TMEM177: variants seen among roughly 807,000 people sequenced by gnomAD.
The protein encoded by TMEM177 is transmembrane protein 177.
TMEM177 carries 4 observed loss-of-function variants against 14.2 expected under a neutral mutation model. That is an observed-to-expected ratio of 0.28 (90% confidence interval 0.14 to 0.64). The LOEUF is 0.64. Among genes scored for constraint, TMEM177 ranks in the 30% least tolerant of loss-of-function variants. The pLI, the probability that TMEM177 is intolerant of heterozygous loss-of-function variation, is 0.82. For missense variants in TMEM177, 344 were observed against 405.2 expected (o/e 0.85, Z 1.30); for synonymous variants, 179 against 174.5 (o/e 1.03, Z -0.20).
At chr2:119,703,145 C>T in the TMEM177 span, among the ~76,000 whole-genome samples, 1 of 152,262 alleles carries the variant, frequency 6.6e-6, no homozygotes, top group African/African-American at 2.4e-5. Context: ...GGGAGTGGCA[C>T]CTTTGTCACC....
At chr2:119,710,562 C>A in the TMEM177 span, among the ~76,000 whole-genome samples, 4 of 152,108 alleles carry the variant, frequency 2.6e-5, no homozygotes, top group African/African-American at 9.7e-5. Flanking sequence ...GAGGGAGGGA[C>A]CCAAAGTCAT....
At chr2:119,705,990 A>ATATATTATATATTATATATTATATAT in the TMEM177 span, among the ~76,000 whole-genome samples, 384 of 14,560 alleles carry the variant, frequency 0.026, 1 homozygote, top group Admixed American at 0.055. Context: ...CTCTCTATAT[A>ATATATTATATATTATATATTATATAT]TATATATTAT....
chr2:119,710,451 G>T, the TMEM177 span, among the ~76,000 whole-genome samples: 2 of 152,150 alleles, frequency 1.3e-5, no homozygotes, highest in Admixed American at 6.5e-5. Flanking sequence ...AGCCCTACCC[G>T]CGAGTTTCGT....
chr2:119,692,905 G>C, the TMEM177 span, among the ~76,000 whole-genome samples: 5 of 138,228 alleles, frequency 3.6e-5, no homozygotes, highest in African/African-American at 5.4e-5. Flanking sequence ...CCGGGAGGCA[G>C]AGGTTGCAGT....
At chr2:119,706,476 T>C in the TMEM177 span, among the ~76,000 whole-genome samples, 1 of 152,220 alleles carries the variant, frequency 6.6e-6, no homozygotes, top group Admixed American at 6.5e-5. Context: ...ATATTTCCTT[T>C]GCTGAGTGGC....
chr2:119,719,933 A>G, the TMEM177 span, among the ~76,000 whole-genome samples: 1 of 152,212 alleles, frequency 6.6e-6, no homozygotes, highest in African/African-American at 2.4e-5. Flanking sequence ...AGCTGGGACT[A>G]TAGGTGTGCA....
At chr2:119,695,505 C>T in the TMEM177 span, among the ~76,000 whole-genome samples, 1 of 152,120 alleles carries the variant, frequency 6.6e-6, no homozygotes, top group Admixed American at 6.5e-5. Flanking sequence ...GCACCTGGTC[C>T]GCTGGAGTGC....
the TMEM177 span, among the ~76,000 whole-genome samples, chr2:119,701,025 G>C: frequency 6.6e-6 from 1 of 152,226 alleles, no homozygotes; most frequent in Admixed American, 6.5e-5. Flanking sequence ...CTGGGGACAA[G>C]AGAGCCAAGG....
the TMEM177 span, among the ~76,000 whole-genome samples, chr2:119,720,278 CTT>C: frequency 1.4e-5 from 2 of 146,126 alleles, no homozygotes; most frequent in Admixed American, 6.8e-5. Context: ...TTATTCCCAA[CTT>C]TTTTTTTTTT....
chr2:119,709,181 C>T, the TMEM177 span, among the ~76,000 whole-genome samples: 11 of 152,316 alleles, frequency 7.2e-5, no homozygotes, highest in Middle Eastern at 6.8e-3. Flanking sequence ...GTGGCACCCA[C>T]CACTGTGTTA....
At chr2:119,684,375 T>G (rs1688976814), downstream of TMEM177, among the ~76,000 whole-genome samples, 5 of 152,200 alleles carry the variant, frequency 3.3e-5, no homozygotes, top group Admixed American at 3.3e-4. Context: ...GATGCCCGTT[T>G]ATACACTGTC....
the TMEM177 span, among the ~76,000 whole-genome samples, chr2:119,703,065 G>A: frequency 1.3e-5 from 2 of 152,248 alleles, no homozygotes; most frequent in Non-Finnish European, 2.9e-5. Context: ...GGCTCAGCAG[G>A]AGCCCCCGGG....
the TMEM177 span, chr2:119,700,099 A>G: frequency 3.9e-6 from 1 of 255,170 alleles, no homozygotes; most frequent in Non-Finnish European, 7.8e-6. Context: ...GAGGTTGCCC[A>G]GAAGAAAAAG....
At chr2:119,720,335 C>T in the TMEM177 span, among the ~76,000 whole-genome samples, 14 of 151,522 alleles carry the variant, frequency 9.2e-5, no homozygotes, top group Admixed American at 4.6e-4. Flanking sequence ...AGTACAATGG[C>T]GCAATCTCGG....
downstream of TMEM177, chr2:119,685,807 C>A: frequency 1.4e-6 from 1 of 706,976 alleles, no homozygotes; most frequent in Non-Finnish European, 2.6e-6. Context: ...CTGAAAGTTT[C>A]ATGGTGCAGA....
At chr2:119,714,965 C>G in the TMEM177 span, among the ~76,000 whole-genome samples, 4 of 152,206 alleles carry the variant, frequency 2.6e-5, no homozygotes, top group Non-Finnish European at 4.4e-5. Context: ...GAAGTGTATG[C>G]CACCTTGTCA....
downstream of TMEM177, among the ~76,000 whole-genome samples, chr2:119,682,686 C>T (rs981329830): frequency 2.0e-5 from 3 of 152,170 alleles, no homozygotes; most frequent in Non-Finnish European, 2.9e-5. Context: ...GAGGAAGGAA[C>T]AAACCATTGT....
At chr2:119,701,107 C>A in the TMEM177 span, among the ~76,000 whole-genome samples, 1 of 152,346 alleles carries the variant, frequency 6.6e-6, no homozygotes, top group East Asian at 1.9e-4. Flanking sequence ...TATTCCTCCC[C>A]CATCCCTCCC....
the TMEM177 span, among the ~76,000 whole-genome samples, chr2:119,712,396 C>T: frequency 2.6e-5 from 4 of 151,920 alleles, no homozygotes; most frequent in African/African-American, 7.3e-5. Context: ...AAAATGGGGC[C>T]GTATTTGGAG....
Sources: gnomAD v4.1 joint callset for allele counts (sites outside exome capture counted in the v4.1 genomes callset) on GRCh38, gnomAD v4.1.1 for gene constraint, MANE v1.5 for transcripts, NCBI Gene and HGNC (gene_info 2026-07-23, HGNC 2026-07-21) for gene names.